MKLN1: variants seen among roughly 807,000 people sequenced by gnomAD.
The protein encoded by MKLN1 is muskelin 1.
MKLN1 carries 18 observed loss-of-function variants against 99.0 expected under a neutral mutation model. The observed-to-expected ratio is 0.18, with a 90% confidence interval of 0.13 to 0.27. The LOEUF is 0.27. Ranked by LOEUF, MKLN1 falls within the 10% of genes least tolerant of loss-of-function variation. The pLI is 1.00. For missense variants in MKLN1, 621 were observed against 875.9 expected, an observed-to-expected ratio of 0.71 and a Z score of 3.67; for synonymous variants, 288 against 293.2, an observed-to-expected ratio of 0.98 and a Z score of 0.18.
chr7:131,289,766 T>C (rs1798190089), intron 3 of MKLN1, among the ~76,000 whole-genome samples: 1 of 152,252 alleles, frequency 6.6e-6, no homozygotes, highest in Admixed American at 6.5e-5. Flanking sequence ...ATATCTTTCA[T>C]GTGCTTCAAA....
At chr7:131,397,179 T>C in intron 4 of MKLN1, 88 bp from the exon 5 acceptor site, 1 of 854,486 alleles carries the variant, frequency 1.2e-6, no homozygotes, top group Non-Finnish European at 1.9e-6. Context: ...TGAATCCTTA[T>C]AAGGTTGAAT....
intron 4 of MKLN1, among the ~76,000 whole-genome samples, chr7:131,392,766 C>T (rs1239845078): frequency 3.3e-5 from 5 of 151,976 alleles, no homozygotes; most frequent in East Asian, 1.9e-4. Flanking sequence ...CCACCATGCC[C>T]GGCTAATTTT....
intron 2 of MKLN1, among the ~76,000 whole-genome samples, chr7:131,143,132 A>G (rs186911593): frequency 6.6e-6 from 1 of 152,288 alleles, no homozygotes; most frequent in Admixed American, 6.5e-5. Flanking sequence ...AAGTCTTCTG[A>G]GGAATTCCAT....
chr7:131,361,121 T>G (rs147416505), intron 1 of MKLN1, among the ~76,000 whole-genome samples: 1 of 152,108 alleles, frequency 6.6e-6, no homozygotes, highest in African/African-American at 2.4e-5. Flanking sequence ...TTTTTGATAT[T>G]TCCTGCTTGG....
At chr7:131,366,087 G>A (rs1800173731) in intron 1 of MKLN1, among the ~76,000 whole-genome samples, 1 of 152,130 alleles carries the variant, frequency 6.6e-6, no homozygotes, top group African/African-American at 2.4e-5. Flanking sequence ...CCTGATTACA[G>A]CTGAAAGAAA....
intron 3 of MKLN1, among the ~76,000 whole-genome samples, chr7:131,271,695 G>C (rs1372732409): frequency 6.6e-6 from 1 of 151,988 alleles, no homozygotes; most frequent in East Asian, 1.9e-4. Flanking sequence ...GGCTGACGCA[G>C]GTCAGGAGTT....
At chr7:131,410,360 G>A (rs1311826212) in intron 6 of MKLN1, among the ~76,000 whole-genome samples, 2 of 152,140 alleles carry the variant, frequency 1.3e-5, no homozygotes, top group Non-Finnish European at 2.9e-5. Flanking sequence ...ATGATAATGT[G>A]TAGTTCATAG....
Position 131,414,722 on chromosome 7 carries a change from T to A in MKLN1, c.847+12T>A. 1 of 1,578,302 alleles carries A rather than the reference T, an allele frequency of 6.3e-7. No homozygotes were observed. Among genetic ancestry groups the A allele is most frequent in the Non-Finnish European group, 8.6e-7 (1 of 1,163,796 alleles). On this transcript the variant is annotated intron_variant, in intron 8 of 17. Transcript: ENST00000352689. ...TGATGTTCAAACAGGTGAGTAGCAG[T>A]TGCAGTGGAAAGCAAAATCTTCATT... is the stretch of plus-strand genomic sequence containing the variant.
chr7:131,358,866 A>G (rs1221848084), intron 1 of MKLN1, among the ~76,000 whole-genome samples: 1 of 151,830 alleles, frequency 6.6e-6, no homozygotes, highest in Non-Finnish European at 1.5e-5. Context: ...GTGATCACTC[A>G]TTTTCATTTC....
intron 3 of MKLN1, 135 bp from the exon 4 acceptor site, chr7:131,388,749 A>G: frequency 3.6e-6 from 2 of 553,486 alleles, no homozygotes; most frequent in Non-Finnish European, 6.3e-6. Context: ...ATGTTCAACT[A>G]CTTGTTTATA....
At chr7:131,430,107 A>G (rs1265114459) in intron 9 of MKLN1, among the ~76,000 whole-genome samples, 2 of 152,222 alleles carry the variant, frequency 1.3e-5, no homozygotes, top group Admixed American at 1.3e-4. Flanking sequence ...GTTTCAGGAT[A>G]TAAAGTGACA....
At chr7:131,288,043 G>A (rs1798158901) in intron 3 of MKLN1, among the ~76,000 whole-genome samples, 2 of 152,172 alleles carry the variant, frequency 1.3e-5, no homozygotes, top group South Asian at 4.1e-4. Flanking sequence ...CCAGGTTCCA[G>A]TAGTATCTTT....
chr7:131,360,636 ATCAC>A (rs1800002559), intron 1 of MKLN1, among the ~76,000 whole-genome samples: 1 of 152,174 alleles, frequency 6.6e-6, no homozygotes, highest in South Asian at 2.1e-4. Flanking sequence ...ACATGCCATA[ATCAC>A]TCAATATATT....
chr7:131,136,893 G>T (rs7789283), intron 1 of MKLN1, among the ~76,000 whole-genome samples: 7,642 of 152,280 alleles, frequency 0.05, 259 homozygotes, highest in African/African-American at 0.084. Flanking sequence ...ACATTTGCGT[G>T]TAGTTCAATC....
At chr7:131,253,850 G>A (rs1156920577) in intron 3 of MKLN1, among the ~76,000 whole-genome samples, 1 of 152,228 alleles carries the variant, frequency 6.6e-6, no homozygotes, top group East Asian at 1.9e-4. Flanking sequence ...GTAGCTCAAT[G>A]TGCGCAACAA....
intron 2 of MKLN1, among the ~76,000 whole-genome samples, chr7:131,147,356 C>T (rs575797106): frequency 5.9e-5 from 9 of 152,088 alleles, no homozygotes; most frequent in South Asian, 4.2e-4. Flanking sequence ...CTGCCCCCAG[C>T]CGTTGATGAT....
intron 2 of MKLN1, among the ~76,000 whole-genome samples, chr7:131,171,520 C>T (rs991522002): frequency 1.3e-5 from 2 of 151,828 alleles, no homozygotes; most frequent in African/African-American, 4.8e-5. Flanking sequence ...TGCAATGGTG[C>T]GTTCTCAGCT....
At chr7:131,145,665 G>A (rs1321898869) in intron 2 of MKLN1, among the ~76,000 whole-genome samples, 1 of 152,248 alleles carries the variant, frequency 6.6e-6, no homozygotes, top group African/African-American at 2.4e-5. Flanking sequence ...ACTAGCATAT[G>A]TAGCTACCTT....
At chr7:131,473,676 C>T (rs752510366) in intron 16 of MKLN1, among the ~76,000 whole-genome samples, 1 of 152,114 alleles carries the variant, frequency 6.6e-6, no homozygotes, top group Non-Finnish European at 1.5e-5. Context: ...GCGGAGTTTC[C>T]AGAGTGCTGG....
Sources: gnomAD v4.1 joint callset for allele counts (sites outside exome capture counted in the v4.1 genomes callset) on GRCh38, gnomAD v4.1.1 for gene constraint, MANE v1.5 for transcripts, NCBI Gene and HGNC (gene_info 2026-07-23, HGNC 2026-07-21) for gene names.